DST: variants seen among roughly 807,000 people sequenced by gnomAD.
DST encodes the protein dystonin.
In DST, 253 loss-of-function variants were observed where a neutral mutation model predicts 875.2. That is an observed-to-expected ratio of 0.29 (90% CI 0.26 to 0.32). DST has a LOEUF of 0.32. Ranked by LOEUF, DST falls within the 10% of genes least tolerant of loss-of-function variation. DST has a pLI of 1.00. For missense variants in DST, 8,287 were observed against 9,111.6 expected (o/e 0.91, Z 3.68); for synonymous variants, 3,124 against 3,197.1 (o/e 0.98, Z 0.77).
intron 4 of DST, among the ~76,000 whole-genome samples, chr6:56,828,343 C>T (rs1382820498): frequency 2.0e-5 from 3 of 152,204 alleles, no homozygotes; most frequent in African/African-American, 7.2e-5. Flanking sequence ...TTTCTTAAAG[C>T]CCCAGAACAC....
chr6:56,670,754 T>C lies in DST; in HGVS notation c.1101A>G (p.Arg367=). 1 of 1,610,020 alleles carries C rather than the reference T, an allele frequency of 6.2e-7. No homozygotes were observed. The highest frequency in any genetic ancestry group is 8.5e-7 in the Non-Finnish European group (1 of 1,177,922). The change falls in exon 10 of 104, where the codon AGA becomes AGG. Residue 367 remains arginine, a synonymous_variant. Coordinates refer to ENST00000680361, the MANE Select transcript of DST (RefSeq NM_001374736.1). ...GESEDMSAKE[R]LLLWTQQATE... ...TTGCCTGCTGCGTCCAGAGTAGCAATCTCTCTTTTGCAGACATATCCTCTG... is the reference window on the plus strand; with the variant it reads ...TTGCCTGCTGCGTCCAGAGTAGCAACCTCTCTTTTGCAGACATATCCTCTG...
chr6:56,627,109 A>C, intron 34 of DST, 95 bp downstream of exon 34: 1 of 964,324 alleles, frequency 1.0e-6, no homozygotes, highest in South Asian at 1.3e-5. Flanking sequence ...AGATTCTTTT[A>C]AACACTGAGT....
chr6:56,778,543 C>T, intron 4 of DST, among the ~76,000 whole-genome samples: 1 of 122,102 alleles, frequency 8.2e-6, no homozygotes, highest in Non-Finnish European at 1.7e-5. Flanking sequence ...CTCCCCCCAC[C>T]CCACAACAGG....
chr6:56,954,232 G>A (rs1824030708), intron 1 of DST, among the ~76,000 whole-genome samples, 175 bp downstream of exon 1: 1 of 152,190 alleles, frequency 6.6e-6, no homozygotes, highest in African/African-American at 2.4e-5. Flanking sequence ...GGAGACTGGA[G>A]GGCGGAGGTG....
In DST at chr6:56,501,012, A is replaced by G. The variant is rs113390876; in HGVS notation, c.19896+68T>C. 659 of 1,480,878 alleles carry G rather than the reference A, an allele frequency of 4.5e-4. 1 individual carries two copies. The African/African-American group carries it at 8.5e-3, about 19-fold the overall frequency. 91.7% of individuals were successfully genotyped at this position (1,480,878 alleles called of 1,614,324 possible). Reference sequence around the variant, plus strand: ...TGAAACACGCATAAAGAAGAAATATATCCAAGAAATCTGATGACACTAGAA... The same window carrying G: ...TGAAACACGCATAAAGAAGAAATATGTCCAAGAAATCTGATGACACTAGAA... On this transcript the variant is annotated intron_variant, in intron 80 of 103. Coordinates refer to ENST00000680361, the MANE Select transcript of DST (RefSeq NM_001374736.1).
intron 4 of DST, among the ~76,000 whole-genome samples, chr6:56,753,005 G>C (rs1171801911): frequency 3.3e-5 from 5 of 152,050 alleles, no homozygotes; most frequent in African/African-American, 1.2e-4. Flanking sequence ...TGGTCAGGCT[G>C]GTCTCGAACT....
At chr6:56,596,795 A>G (rs1410043690) in intron 47 of DST, among the ~76,000 whole-genome samples, 1 of 152,226 alleles carries the variant, frequency 6.6e-6, no homozygotes, top group East Asian at 1.9e-4. Context: ...TGACACTTTA[A>G]AAGTAGTTCT....
intron 63 of DST, among the ~76,000 whole-genome samples, chr6:56,532,739 G>A (rs905525138): frequency 7.9e-5 from 12 of 152,026 alleles, no homozygotes; most frequent in Admixed American, 2.6e-4. Context: ...AACTAATATT[G>A]GTAAGGCCAC....
At chr6:56,871,573 G>T in intron 3 of DST, 1 of 909,288 alleles carries the variant, frequency 1.1e-6, no homozygotes, top group Non-Finnish European at 1.8e-6. Flanking sequence ...ACACACTGCT[G>T]GACCTACAGA....
In DST at chr6:56,536,896, T is replaced by C; in HGVS notation, c.16653A>G (p.Gln5551=). The C allele has an allele frequency of 6.2e-7, 1 of 1,613,954 alleles. No individual in the cohort carries two copies. The highest frequency in any genetic ancestry group is 1.1e-5 in the South Asian group (1 of 91,064). Residue 5551 remains glutamine, a synonymous_variant, in exon 62 of 104, where the codon CAA becomes CAG. Coordinates refer to ENST00000680361, the MANE Select transcript of DST (RefSeq NM_001374736.1). The part of the protein sequence containing the change: ...EEIEPLQGKQ[Q]DVNWLGQGLI... ...GGCCTTGACCTAACCAGTTTACATCTTGCTGTTTACCTTGCAAGGGTTCAA... is the reference window on the plus strand; with the variant it reads ...GGCCTTGACCTAACCAGTTTACATCCTGCTGTTTACCTTGCAAGGGTTCAA...
At chr6:56,893,575 T>TA (rs1788875192) in intron 3 of DST, among the ~76,000 whole-genome samples, 1 of 71,416 alleles carries the variant, frequency 1.4e-5, no homozygotes, top group African/African-American at 1.0e-4. Context: ...TTTTTTTTTT[T>TA]TTTTTTTTTT....
chr6:56,562,154 T>G lies in DST; in HGVS notation c.14052A>C (p.Glu4684Asp). 1.3e-6 allele frequency: 2 copies of G among 1,551,714 alleles called. No homozygotes were observed. Among genetic ancestry groups the G allele is most frequent in the Non-Finnish European group, 1.7e-6 (2 of 1,146,948 alleles). ...NGEGTATNTE[E>D]FWANKGLTSI... is the part of the protein sequence containing the mutation. ...AATACTCACCTTTATTTGCCCAAAA[T>G]TCCTCAGTATTTGTGGCTGTTCCTT... Residue 4684 changes from glutamate to aspartate, a missense_variant, in exon 56 of 104, where the codon GAA becomes GAC. Transcript: ENST00000680361.
intron 4 of DST, among the ~76,000 whole-genome samples, chr6:56,837,934 T>G (rs909539075): frequency 8.2e-6 from 1 of 122,192 alleles, no homozygotes; most frequent in African/African-American, 2.8e-5. Context: ...AAAAAAAAAA[T>G]GAATAAGAAG....
At chr6:56,598,799 C>G (rs1586178569) in intron 45 of DST, 90 bp from the exon 46 acceptor site, 3 of 675,904 alleles carry the variant, frequency 4.4e-6, no homozygotes, top group Admixed American at 3.2e-5. Flanking sequence ...AGAGTGAGTA[C>G]AGAGAGAGTC....
rs1027390908 is a variant in DST, at chr6:56,843,512, C to T, written c.625+7885G>A. 6.1e-6 allele frequency: 6 copies of T among 985,498 alleles called. No homozygotes were observed. The African/African-American group carries it at 7.0e-5, about 12-fold the overall frequency. 61.0% of individuals were successfully genotyped at this position (985,498 alleles called of 1,614,324 possible). ...GGGCGGGCGGGGGCCGGCGGGCGCC[C>T]GGACCCTCTGCGGCCGCGCTGACCG... On this transcript the variant is annotated intron_variant, in intron 4 of 103. Transcript: ENST00000680361.
chr6:56,588,046 A>G (rs1236776698), intron 49 of DST, among the ~76,000 whole-genome samples: 3 of 152,166 alleles, frequency 2.0e-5, no homozygotes. Flanking sequence ...GACAGGATCA[A>G]ATTCACACAT....
At chr6:56,852,048 A>G (rs1319670664) in intron 3 of DST, 8 of 1,422,606 alleles carry the variant, frequency 5.6e-6, no homozygotes, top group Non-Finnish European at 6.4e-6. Flanking sequence ...TTTCGAAAAC[A>G]AAGCACAAAT....
chr6:56,583,144 A>G (rs1249996504), intron 49 of DST, among the ~76,000 whole-genome samples: 1 of 152,174 alleles, frequency 6.6e-6, no homozygotes, highest in African/African-American at 2.4e-5. Flanking sequence ...TAGTATTTCT[A>G]GTTCTAGATC....
rs545567343 is a variant in DST, at chr6:56,501,130, G to A, written c.19846C>T (p.Pro6616Ser). The A allele has an allele frequency of 8.7e-6, 14 of 1,612,788 alleles. No individual in the cohort carries two copies. The East Asian group carries it at 3.1e-4, about 36-fold the overall frequency. ...HTEGLLSEQK[P>S]VGGDPKAIEI... ...ATGGCTTTAGGGTCTCCTCCAACAG[G>A]TTTCTGCTCACTTAGCAAGCCCTCG... The change falls in exon 80 of 104, where the codon CCT becomes TCT. Residue 6616 changes from proline to serine, a missense_variant. Physicochemically the swap from Pro to Ser is moderately conservative, Grantham distance 74 (BLOSUM62 -1). This residue lies in a region of DST where 1,292 missense variants were observed against 1,552.7 expected (regional missense o/e 0.83). Transcript: ENST00000680361.
Sources: allele counts gnomAD v4.1 joint callset (sites outside exome capture counted in the v4.1 genomes callset), GRCh38; gene constraint gnomAD v4.1.1; regional missense constraint gnomAD v4.1.1; transcripts MANE v1.5; gene names NCBI Gene and HGNC (gene_info 2026-07-23, HGNC 2026-07-21).